Variants in MECOM observed in about 807,000 individuals in gnomAD.
MECOM encodes MDS1 and EVI1 complex locus.
A neutral mutation model predicts 116.3 loss-of-function variants in MECOM; 13 were observed. The observed-to-expected ratio is 0.11, with a 90% CI of 0.07 to 0.18. The LOEUF (loss-of-function observed/expected upper bound fraction) is 0.18, where lower values mean the gene tolerates loss of function less well. Ranked by LOEUF, MECOM falls within the 10% of genes least tolerant of loss-of-function variation. The pLI, the probability that MECOM is intolerant of heterozygous loss-of-function variation, is 1.00. For synonymous variants in MECOM, 528 were observed against 535.2 expected (o/e 0.99, Z 0.19); for missense variants, 1,299 against 1,509.0 (o/e 0.86, Z 2.31).
intron 1 of MECOM, among the ~76,000 whole-genome samples, chr3:169,583,454 C>T (rs1765358340): frequency 6.6e-6 from 1 of 152,012 alleles, no homozygotes; most frequent in South Asian, 2.1e-4. Context: ...TCCTCTCTCT[C>T]CCCCTCTATC....
chr3:169,117,628 G>C (rs1323122340), intron 7 of MECOM, among the ~76,000 whole-genome samples: 1 of 152,230 alleles, frequency 6.6e-6, no homozygotes, highest in Non-Finnish European at 1.5e-5. Context: ...ACTATGCTCA[G>C]TAGGGGAGAG....
chr3:169,091,208 AAG>A (rs1719607860), intron 14 of MECOM, among the ~76,000 whole-genome samples: 1 of 152,174 alleles, frequency 6.6e-6, no homozygotes, highest in Non-Finnish European at 1.5e-5. Flanking sequence ...GAAAAAGTAA[AAG>A]AACAAAAAGA....
At chr3:169,210,608 TTCTC>T (rs980242440) in intron 2 of MECOM, among the ~76,000 whole-genome samples, 2 of 152,144 alleles carry the variant, frequency 1.3e-5, no homozygotes, top group South Asian at 4.1e-4. Context: ...ATCTCATTCT[TTCTC>T]TCTTTCTCCC....
chr3:169,133,840 A>G (rs1437253092), intron 3 of MECOM: 1 of 1,013,464 alleles, frequency 9.9e-7, no homozygotes, highest in African/African-American at 1.7e-5. Flanking sequence ...AATACTTATA[A>G]GTACACTGTT....
At chr3:169,287,541 G>T (rs1356028145) in intron 2 of MECOM, among the ~76,000 whole-genome samples, 1 of 152,102 alleles carries the variant, frequency 6.6e-6, no homozygotes, top group Admixed American at 6.6e-5. Flanking sequence ...TGGGAATATA[G>T]ATTTTTGTTG....
chr3:169,423,546 T>C (rs9862627), intron 1 of MECOM, among the ~76,000 whole-genome samples: 2,334 of 152,214 alleles, frequency 0.015, 68 homozygotes, highest in African/African-American at 0.053. Context: ...TGGAAGAAGA[T>C]AAAGAAACTA....
chr3:169,291,001 C>T (rs1462176887), intron 2 of MECOM, among the ~76,000 whole-genome samples: 1 of 152,144 alleles, frequency 6.6e-6, no homozygotes, highest in East Asian at 1.9e-4. Context: ...TCAACAGTTA[C>T]CAGCCACCTG....
At chr3:169,380,154 G>A (rs1030763942) in intron 2 of MECOM, among the ~76,000 whole-genome samples, 3 of 152,074 alleles carry the variant, frequency 2.0e-5, no homozygotes, top group African/African-American at 7.2e-5. Flanking sequence ...CTATTTAAAA[G>A]CTAACCAGAT....
intron 1 of MECOM, among the ~76,000 whole-genome samples, chr3:169,518,214 GCA>G: frequency 6.6e-6 from 1 of 151,296 alleles, no homozygotes; most frequent in South Asian, 2.1e-4. Context: ...AGCCGAGATC[GCA>G]CCACTGCACT....
rs1321552402 is a variant in MECOM, at chr3:169,100,096, TCTTTC to T, written c.2849+784_2849+788del. Among the ~76,000 whole-genome samples the T allele has an allele frequency of 8.2e-3, 853 of 103,906 alleles. 9 individuals are homozygous for T. The highest frequency in any genetic ancestry group is 0.03 in the African/African-American group (792 of 26,454). 68.2% of individuals were successfully genotyped at this position (103,906 alleles called of 152,430 possible). A position where few individuals can be genotyped will look rare whatever the true frequency, so the allele number is the denominator to read the frequency against. On this transcript the variant is annotated intron_variant, in intron 12 of 16. Coordinates refer to ENST00000651503, the MANE Select transcript of MECOM (RefSeq NM_004991.4). ...TTCTTTTTTTCTTTCTTTCTTTCTT[TCTTTC>T]TTTTTTTTTTTTTTTTTGACAGAGT...
intron 1 of MECOM, among the ~76,000 whole-genome samples, chr3:169,604,659 C>T (rs1007405562): frequency 6.6e-6 from 1 of 152,182 alleles, no homozygotes; most frequent in Admixed American, 6.5e-5. Context: ...CAAGGACTTA[C>T]TTCCCCAGGG....
intron 2 of MECOM, among the ~76,000 whole-genome samples, chr3:169,184,045 T>C (rs1746400951): frequency 6.6e-6 from 1 of 151,782 alleles, no homozygotes; most frequent in Non-Finnish European, 1.5e-5. Context: ...TTTGTATTTT[T>C]AGTAGAGACG....
At chr3:169,181,528 G>A (rs527800372) in intron 2 of MECOM, among the ~76,000 whole-genome samples, 1 of 152,134 alleles carries the variant, frequency 6.6e-6, no homozygotes, top group Non-Finnish European at 1.5e-5. Flanking sequence ...AGGTTAGTGA[G>A]ATTTGTTTTT....
chr3:169,317,355 T>C (rs1719937810), intron 2 of MECOM, among the ~76,000 whole-genome samples: 1 of 152,170 alleles, frequency 6.6e-6, no homozygotes, highest in African/African-American at 2.4e-5. Context: ...ACAATCATTA[T>C]ATGATACTCA....
intron 2 of MECOM, among the ~76,000 whole-genome samples, chr3:169,352,908 T>TG (rs1726605066): frequency 6.6e-6 from 1 of 151,942 alleles, no homozygotes; most frequent in South Asian, 2.1e-4. Flanking sequence ...CACAATCTTA[T>TG]CTCTCTCTGC....
In MECOM at chr3:169,089,115, A is replaced by C. The variant is rs1718814030; in HGVS notation, c.3470T>G (p.Leu1157Arg). The C allele has an allele frequency of 6.2e-7, 1 of 1,609,014 alleles. No individual in the cohort carries two copies. Among genetic ancestry groups the C allele is most frequent in the Non-Finnish European group, 8.5e-7 (1 of 1,177,766 alleles). ...LDHIRHFTDSLKMRKMEDNQY... is the reference protein window; with the variant it reads ...LDHIRHFTDSRKMRKMEDNQY... Reference sequence around the variant, plus strand: ...ATTATCTTCCATTTTCCTCATTTTGAGGCTATCTGTGAAGTGCCTTATATG... The same window carrying C: ...ATTATCTTCCATTTTCCTCATTTTGCGGCTATCTGTGAAGTGCCTTATATG... Residue 1157 changes from leucine (L) to arginine (R), a missense_variant, in exon 16 of 17, where the codon CTC becomes CGC. Physicochemically the swap from Leu to Arg is moderately radical, Grantham distance 102. Around this residue, in one of 6 missense-constraint regions of MECOM, gnomAD observed 273 missense variants for 289.3 expected, o/e 0.94. Coordinates refer to ENST00000651503, the MANE Select transcript of MECOM (RefSeq NM_004991.4).
chr3:169,476,246 T>C (rs1402814115), intron 1 of MECOM, among the ~76,000 whole-genome samples: 1 of 152,242 alleles, frequency 6.6e-6, no homozygotes, highest in East Asian at 1.9e-4. Context: ...GTCTTCATAA[T>C]GTATTACACA....
Position 169,115,460 on chromosome 3 carries a change from G to C in MECOM, c.2412C>G (p.Asn804Lys), listed in dbSNP as rs140021434. The C allele has an allele frequency of 1.2e-6, 2 of 1,614,110 alleles. No homozygotes were observed. Among genetic ancestry groups the C allele is most frequent in the East Asian group, 4.5e-5 (2 of 44,888 alleles). The part of the protein sequence containing the change: ...NHVFGGKKGS[N>K]VESRPASDGS... ...CATCTGAAGCAGGTCTTGATTCGAC[G>C]TTGCTTCCTTTTTTTCCCCCAAACA... Residue 804 changes from asparagine (N) to lysine (K), a missense_variant, in exon 8 of 17, where the codon AAC becomes AAG. By Grantham distance (94) the Asn-to-Lys change is moderately conservative. Transcript: ENST00000651503.
intron 5 of MECOM, among the ~76,000 whole-genome samples, chr3:169,123,261 A>G (rs78083178): frequency 6.6e-6 from 1 of 151,296 alleles, no homozygotes; most frequent in Non-Finnish European, 1.5e-5. Flanking sequence ...TAGGATGGAC[A>G]GATGGATGGA....
Sources: allele counts gnomAD v4.1 joint callset (sites outside exome capture counted in the v4.1 genomes callset), GRCh38; gene constraint gnomAD v4.1.1; regional missense constraint gnomAD v4.1.1; transcripts MANE v1.5; gene names NCBI Gene and HGNC (gene_info 2026-07-23, HGNC 2026-07-21).